The following FILIP1L variants were observed in gnomAD, a reference collection of about 807,000 sequenced individuals.
FILIP1L encodes filamin A-interacting protein 1-like.
Under a neutral mutation model 96.6 loss-of-function variants are expected in FILIP1L, and 55 were observed. The ratio of observed to expected loss-of-function variants is 0.57; its 90% CI spans 0.46 to 0.71. FILIP1L has a LOEUF of 0.71. Among genes scored for constraint, FILIP1L ranks in the 30% least tolerant of loss-of-function variants. FILIP1L has a pLI of 0.00. For missense variants in FILIP1L, 1,304 were observed against 1,321.2 expected (o/e 0.99, Z 0.20); for synonymous variants, 467 against 473.9 (o/e 0.99, Z 0.19).
At chr3:99,834,071 G>A (rs547945938) in intron 5 of FILIP1L, among the ~76,000 whole-genome samples, 15 of 152,256 alleles carry the variant, frequency 9.9e-5, no homozygotes, top group African/African-American at 3.6e-4. Flanking sequence ...GGGGAGTGGT[G>A]GAATGGAAAT....
intron 4 of FILIP1L, among the ~76,000 whole-genome samples, chr3:99,852,553 C>T (rs2107532569): frequency 6.6e-6 from 1 of 152,238 alleles, no homozygotes; most frequent in South Asian, 2.1e-4. Flanking sequence ...TCAAGCAATT[C>T]TCCTGTCTCA....
intron 1 of FILIP1L, among the ~76,000 whole-genome samples, chr3:99,932,044 G>C (rs1310453161): frequency 6.6e-6 from 1 of 152,046 alleles, no homozygotes; most frequent in Non-Finnish European, 1.5e-5. Flanking sequence ...GAAAAGTATA[G>C]AAACCATAAC....
chr3:99,954,819 C>G (rs1001931391), intron 1 of FILIP1L, among the ~76,000 whole-genome samples: 2 of 150,812 alleles, frequency 1.3e-5, no homozygotes, highest in African/African-American at 2.4e-5. Context: ...GAGCAAGACT[C>G]TGTCTCAAAA....
At chr3:100,062,360 CT>C (rs1388541029) in intron 1 of FILIP1L, among the ~76,000 whole-genome samples, 1 of 152,022 alleles carries the variant, frequency 6.6e-6, no homozygotes, top group Non-Finnish European at 1.5e-5. Flanking sequence ...ATCCACCCGT[CT>C]CGGCCTCTCA....
At chr3:99,868,090 TA>T (rs947172243) in intron 4 of FILIP1L, among the ~76,000 whole-genome samples, 118 of 152,294 alleles carry the variant, frequency 7.7e-4, no homozygotes, top group African/African-American at 2.7e-3. Context: ...GGGTGCATGG[TA>T]AAACAGGGAG....
At chr3:99,945,899 G>T (rs1707994203) in intron 1 of FILIP1L, among the ~76,000 whole-genome samples, 1 of 152,212 alleles carries the variant, frequency 6.6e-6, no homozygotes, top group South Asian at 2.1e-4. Context: ...AAGCCCTTGG[G>T]CTTAGAAGTG....
At chr3:99,884,279 C>G (rs1323812079) in intron 4 of FILIP1L, among the ~76,000 whole-genome samples, 1 of 152,082 alleles carries the variant, frequency 6.6e-6, no homozygotes, top group African/African-American at 2.4e-5. Context: ...TCTTCTCTCC[C>G]TTTTTATTTA....
At chr3:99,963,562 CT>C (rs936510716) in intron 1 of FILIP1L, among the ~76,000 whole-genome samples, 33 of 152,158 alleles carry the variant, frequency 2.2e-4, no homozygotes, top group Middle Eastern at 3.4e-3. Context: ...TCAGAGAAGA[CT>C]TTTAGCACTC....
chr3:100,037,387 T>G (rs2065126031), intron 1 of FILIP1L, among the ~76,000 whole-genome samples: 1 of 152,222 alleles, frequency 6.6e-6, no homozygotes, highest in Non-Finnish European at 1.5e-5. Flanking sequence ...TTTTGTAGTA[T>G]TCTTGCAAAT....
chr3:100,018,735 CAAAA>C (rs61527233), intron 1 of FILIP1L, among the ~76,000 whole-genome samples: 5 of 120,224 alleles, frequency 4.2e-5, no homozygotes, highest in Non-Finnish European at 3.5e-5. Flanking sequence ...TTCCGCATAG[CAAAA>C]AAAAAAAAAA....
chr3:99,833,393 T>A (rs1398279643), intron 5 of FILIP1L: 1 of 700,762 alleles, frequency 1.4e-6, no homozygotes, highest in Non-Finnish European at 2.4e-6. Context: ...CAGTGAGTTA[T>A]TAGAAGGCAT....
At chr3:100,055,397 G>A (rs1012274740) in intron 1 of FILIP1L, among the ~76,000 whole-genome samples, 1 of 152,242 alleles carries the variant, frequency 6.6e-6, no homozygotes, top group Admixed American at 6.5e-5. Flanking sequence ...GTGGCCATAT[G>A]CTCTTCTCGG....
At chr3:99,838,161 C>G (rs1052719802) in intron 5 of FILIP1L, among the ~76,000 whole-genome samples, 2 of 152,178 alleles carry the variant, frequency 1.3e-5, no homozygotes, top group African/African-American at 4.8e-5. Flanking sequence ...CTGACTGCAC[C>G]TTTTGTGTTC....
At chr3:100,064,974 A>G (rs547714164) in intron 1 of FILIP1L, among the ~76,000 whole-genome samples, 1 of 152,340 alleles carries the variant, frequency 6.6e-6, no homozygotes, top group Admixed American at 6.5e-5. Context: ...AAACACACAC[A>G]TACACATGTG....
chr3:99,903,387 G>A (rs1576560497), intron 4 of FILIP1L, among the ~76,000 whole-genome samples: 1 of 152,034 alleles, frequency 6.6e-6, no homozygotes, highest in African/African-American at 2.4e-5. Flanking sequence ...GAGTAGCTGG[G>A]ATTACAGGCG....
chr3:99,991,599 C>T (rs1309646658), intron 1 of FILIP1L, among the ~76,000 whole-genome samples: 1 of 151,926 alleles, frequency 6.6e-6, no homozygotes, highest in African/African-American at 2.4e-5. Flanking sequence ...CCCTCACCCC[C>T]CTGCCACCTT....
At chr3:100,106,225 T>C (rs2066393157) in intron 1 of FILIP1L, among the ~76,000 whole-genome samples, 1 of 152,068 alleles carries the variant, frequency 6.6e-6, no homozygotes, top group African/African-American at 2.4e-5. Context: ...CAGGATACCA[T>C]TATGAGCAGA....
chr3:99,979,514 T>G (rs1162228317), intron 1 of FILIP1L, among the ~76,000 whole-genome samples: 1 of 152,192 alleles, frequency 6.6e-6, no homozygotes, highest in Non-Finnish European at 1.5e-5. Flanking sequence ...TAGAAATGGT[T>G]TATTTTTCTT....
intron 1 of FILIP1L, among the ~76,000 whole-genome samples, chr3:99,968,896 T>C (rs1708732440): frequency 6.6e-6 from 1 of 152,152 alleles, no homozygotes; most frequent in African/African-American, 2.4e-5. Flanking sequence ...AACCTCTCTT[T>C]CAAGTCACTT....
Sources: gnomAD v4.1 joint callset for allele counts (sites outside exome capture counted in the v4.1 genomes callset) on GRCh38, gnomAD v4.1.1 for gene constraint, MANE v1.5 for transcripts, NCBI Gene and HGNC (gene_info 2026-07-23, HGNC 2026-07-21) for gene names.